Variants in RBFOX1 observed in about 807,000 individuals in gnomAD.
RBFOX1 encodes the protein RNA binding protein fox-1 homolog 1.
RBFOX1 carries 8 observed loss-of-function variants against 57.7 expected under a neutral mutation model. The observed-to-expected ratio is 0.14, with a 90% CI of 0.08 to 0.25. The LOEUF (loss-of-function observed/expected upper bound fraction) is 0.25. Among genes scored for constraint, RBFOX1 ranks in the 10% least tolerant of loss-of-function variants. The probability of loss-of-function intolerance (pLI) is 1.00; values close to 1 mark genes in which losing one functional copy is unlikely to be tolerated. For missense variants in RBFOX1, 611 were observed against 548.5 expected (o/e 1.11, Z -1.14); for synonymous variants, 326 against 222.4 (o/e 1.47, Z -4.15).
intron 4 of RBFOX1, among the ~76,000 whole-genome samples, chr16:5,918,628 G>C (rs2058757478): frequency 6.6e-6 from 1 of 152,166 alleles, no homozygotes. Flanking sequence ...AAATTTGCAG[G>C]GTAGACAGTG....
chr16:6,084,162 A>C (rs1034321838), intron 1 of RBFOX1, among the ~76,000 whole-genome samples: 1 of 152,208 alleles, frequency 6.6e-6, no homozygotes, highest in African/African-American at 2.4e-5. Context: ...GCAGTCATTG[A>C]GAGAGCACGT....
chr16:5,530,975 A>AAAAAAAT (rs2044453037), intron 2 of RBFOX1, among the ~76,000 whole-genome samples: 1 of 132,166 alleles, frequency 7.6e-6, no homozygotes, highest in African/African-American at 2.9e-5. Context: ...AAAAAAAAAA[A>AAAAAAAT]TTAGCCAGGC....
At chr16:5,445,824 C>A (rs1183431760) in intron 1 of RBFOX1, among the ~76,000 whole-genome samples, 1 of 152,220 alleles carries the variant, frequency 6.6e-6, no homozygotes, top group African/African-American at 2.4e-5. Flanking sequence ...TGCTAAATCG[C>A]TTTTAAACAA....
At chr16:5,499,641 C>G (rs907472070) in intron 2 of RBFOX1, among the ~76,000 whole-genome samples, 1 of 151,504 alleles carries the variant, frequency 6.6e-6, no homozygotes, top group Non-Finnish European at 1.5e-5. Flanking sequence ...GGTGTGATCT[C>G]AGCTCACTGC....
Position 6,769,260 on chromosome 16 carries a change from T to A in RBFOX1, c.-16+114610T>A, listed in dbSNP as rs190228636. Among the ~76,000 whole-genome samples the A allele has an allele frequency of 2.0e-3, 300 of 152,330 alleles. 1 individual carries two copies. The highest frequency in any genetic ancestry group is 7.0e-3 in the African/African-American group (289 of 41,576). On this transcript the variant is annotated intron_variant, in intron 3 of 15. Coordinates refer to ENST00000550418, the MANE Select transcript of RBFOX1 (RefSeq NM_018723.4). ...CTTTCTTTGCCTGCTGCCATCGATG[T>A]AAGATGAGACTTGCTCCTCCTTGCC... is the stretch of plus-strand genomic sequence containing the variant.
chr16:7,204,012 C>A (rs2089348612), intron 4 of RBFOX1, among the ~76,000 whole-genome samples: 1 of 152,244 alleles, frequency 6.6e-6, no homozygotes, highest in Admixed American at 6.5e-5. Flanking sequence ...AAGACTGTCG[C>A]AATCTTTAAC....
intron 3 of RBFOX1, among the ~76,000 whole-genome samples, chr16:6,922,814 G>T (rs1384102086): frequency 6.6e-6 from 1 of 152,056 alleles, no homozygotes; most frequent in Non-Finnish European, 1.5e-5. Context: ...ATCACAGGTG[G>T]GATTGTGTGA....
chr16:7,710,482 C>T (rs1395737200), intron 15 of RBFOX1, 141 bp from the exon 16 acceptor site: 33 of 1,526,038 alleles, frequency 2.2e-5, no homozygotes, highest in Non-Finnish European at 2.9e-5. Flanking sequence ...TTTAGTTCTC[C>T]AAGAATGACC....
At chr16:6,666,771 C>G (rs1029534684) in intron 3 of RBFOX1, among the ~76,000 whole-genome samples, 1 of 152,122 alleles carries the variant, frequency 6.6e-6, no homozygotes, top group Non-Finnish European at 1.5e-5. Flanking sequence ...ACAAAACCCT[C>G]CACATAACAG....
chr16:6,160,173 A>T (rs7204921), intron 1 of RBFOX1, among the ~76,000 whole-genome samples: 3,000 of 152,260 alleles, frequency 0.02, 97 homozygotes, highest in African/African-American at 0.066. Context: ...CCTAACCTTA[A>T]TTAAATGCAA....
chr16:7,438,242 A>G (rs1010542564), intron 4 of RBFOX1, among the ~76,000 whole-genome samples: 16 of 152,142 alleles, frequency 1.1e-4, no homozygotes, highest in Non-Finnish European at 2.1e-4. Context: ...TCCTCTCTCT[A>G]TTAAGATGCT....
intron 4 of RBFOX1, among the ~76,000 whole-genome samples, chr16:7,231,314 A>G (rs920715868): frequency 1.3e-5 from 2 of 152,156 alleles, no homozygotes; most frequent in Non-Finnish European, 2.9e-5. Flanking sequence ...ACCAATCAGA[A>G]TGAATCAGGA....
At chr16:7,344,788 G>A (rs575819931) in intron 4 of RBFOX1, among the ~76,000 whole-genome samples, 17 of 152,306 alleles carry the variant, frequency 1.1e-4, no homozygotes, top group Middle Eastern at 3.4e-3. Context: ...TGCAGAGCCC[G>A]TCCTCCCGCA....
rs529335016 is a variant in RBFOX1, at chr16:7,424,841, C to G, written c.28-93306C>G. Reference sequence around the variant, plus strand: ...TATTTTTTCTTCAGGTTCTGGGTCTCCCTCTGGAAATAACAGGTGTTATTT... The same window carrying G: ...TATTTTTTCTTCAGGTTCTGGGTCTGCCTCTGGAAATAACAGGTGTTATTT... On this transcript the variant is annotated intron_variant, in intron 4 of 15. Transcript: ENST00000550418. 2.6e-5 allele frequency among the ~76,000 whole-genome samples: 4 copies of G among 152,142 alleles called. No individual in the cohort carries two copies. The East Asian group carries it at 7.7e-4, about 29-fold the overall frequency.
chr16:7,366,948 G>A (rs1456212639), intron 4 of RBFOX1, among the ~76,000 whole-genome samples: 1 of 152,116 alleles, frequency 6.6e-6, no homozygotes, highest in Admixed American at 6.5e-5. Flanking sequence ...TTTTAAAAAT[G>A]AATTGAAATG....
intron 4 of RBFOX1, among the ~76,000 whole-genome samples, chr16:7,501,605 C>G (rs1334240090): frequency 6.6e-6 from 1 of 152,156 alleles, no homozygotes; most frequent in African/African-American, 2.4e-5. Context: ...TTGCTTTGTT[C>G]TACTTTGTTT....
chr16:7,650,051 G>A (rs1239746211), intron 11 of RBFOX1, among the ~76,000 whole-genome samples: 3 of 150,866 alleles, frequency 2.0e-5, no homozygotes, highest in Non-Finnish European at 4.4e-5. Flanking sequence ...ACAGGAGGGA[G>A]GGAAGACAAA....
chr16:6,696,645 A>T (rs991246541), intron 3 of RBFOX1, among the ~76,000 whole-genome samples: 5 of 152,140 alleles, frequency 3.3e-5, no homozygotes, highest in Admixed American at 3.3e-4. Flanking sequence ...CCCTTCTGCT[A>T]TCTGTACAGT....
At chr16:5,500,171 GCCTCCCTCCCTC>G (rs750611305) in intron 2 of RBFOX1, among the ~76,000 whole-genome samples, 1 of 88,656 alleles carries the variant, frequency 1.1e-5, no homozygotes, top group East Asian at 3.1e-4. Flanking sequence ...CCCACTCCCT[GCCTCCCTCCCTC>G]CCTCCCTCCC....
Sources: gnomAD v4.1 joint callset for allele counts (sites outside exome capture counted in the v4.1 genomes callset) on GRCh38, gnomAD v4.1.1 for gene constraint, MANE v1.5 for transcripts, NCBI Gene and HGNC (gene_info 2026-07-23, HGNC 2026-07-21) for gene names.